Variants in CRB1 observed in about 807,000 individuals in gnomAD.
The protein encoded by CRB1 is protein crumbs homolog 1.
Under a neutral mutation model 120.0 loss-of-function variants are expected in CRB1, and 83 were observed. That is an observed-to-expected ratio of 0.69 (90% CI 0.58 to 0.83). The LOEUF is 0.83. Among genes scored for constraint, CRB1 ranks in the 40% least tolerant of loss-of-function variants. The pLI is 0.00. For missense variants in CRB1, 1,699 were observed against 1,687.6 expected (o/e 1.01, Z -0.12); for synonymous variants, 625 against 612.5 (o/e 1.02, Z -0.30).
chr1:197,254,636 G>A, the CRB1 span, among the ~76,000 whole-genome samples: 1 of 151,972 alleles, frequency 6.6e-6, no homozygotes, highest in African/African-American at 2.4e-5. Flanking sequence ...TAGAACTAGG[G>A]CTGCTTCCAG....
intron 11 of CRB1, among the ~76,000 whole-genome samples, chr1:197,444,980 G>T (rs1401374748): frequency 6.6e-6 from 1 of 151,872 alleles, no homozygotes; most frequent in Non-Finnish European, 1.5e-5. Flanking sequence ...ATCTCTTTCT[G>T]TGAAAGTGTC....
chr1:197,323,082 A>T (rs1040433617), intron 1 of CRB1, among the ~76,000 whole-genome samples: 1 of 152,198 alleles, frequency 6.6e-6, no homozygotes, highest in Non-Finnish European at 1.5e-5. Context: ...AATATCAAAA[A>T]TAATATTGAA....
At chr1:197,282,410 C>T (rs1655573516) in intron 1 of CRB1, among the ~76,000 whole-genome samples, 1 of 151,626 alleles carries the variant, frequency 6.6e-6, no homozygotes, top group Non-Finnish European at 1.5e-5. Context: ...ACTCATTGGT[C>T]CAGTAACTCT....
intron 2 of CRB1, among the ~76,000 whole-genome samples, chr1:197,338,701 C>A (rs1659288701): frequency 6.6e-6 from 1 of 151,874 alleles, no homozygotes; most frequent in Non-Finnish European, 1.5e-5. Context: ...AGCAGTAAAG[C>A]AAAACTTGTA....
chr1:197,363,913 G>T, intron 5 of CRB1: 2 of 1,241,910 alleles, frequency 1.6e-6, no homozygotes, highest in South Asian at 1.2e-5. Context: ...CCTCACTACG[G>T]ATGGGCTCAC....
the CRB1 span, among the ~76,000 whole-genome samples, chr1:197,258,470 T>C: frequency 6.6e-6 from 1 of 152,194 alleles, no homozygotes; most frequent in Non-Finnish European, 1.5e-5. Flanking sequence ...TTTGTCCCAA[T>C]GTTCCATTGA....
At chr1:197,465,108 C>A (rs1666696731) in intron 11 of CRB1, among the ~76,000 whole-genome samples, 1 of 152,098 alleles carries the variant, frequency 6.6e-6, no homozygotes, top group South Asian at 2.1e-4. Context: ...ACTTAGAGAT[C>A]CCAAAGCATA....
the CRB1 span, chr1:197,223,050 T>C: frequency 1.3e-6 from 1 of 790,352 alleles, no homozygotes. Flanking sequence ...AGGACTATCT[T>C]TGAGGCAAAA....
At chr1:197,407,861 A>G (rs1350906981) in intron 5 of CRB1, among the ~76,000 whole-genome samples, 1 of 152,190 alleles carries the variant, frequency 6.6e-6, no homozygotes, top group Non-Finnish European at 1.5e-5. Flanking sequence ...TCATGGATAC[A>G]TTAGATATCT....
At chr1:197,305,772 T>C in intron 1 of CRB1, among the ~76,000 whole-genome samples, 1 of 151,918 alleles carries the variant, frequency 6.6e-6, no homozygotes, top group East Asian at 1.9e-4. Context: ...TCCTTGTGAA[T>C]ATTTTCCCAA....
chr1:197,389,605 T>C (rs959154968), intron 5 of CRB1, among the ~76,000 whole-genome samples: 8 of 152,198 alleles, frequency 5.3e-5, no homozygotes, highest in Middle Eastern at 6.8e-3. Flanking sequence ...GTTCTGGAGA[T>C]GGATGGTGGT....
At chr1:197,351,621 A>ATTTCTTTG (rs1660113095) in intron 4 of CRB1, among the ~76,000 whole-genome samples, 2 of 152,196 alleles carry the variant, frequency 1.3e-5, no homozygotes, top group African/African-American at 4.8e-5. Flanking sequence ...AGATGATCAA[A>ATTTCTTTG]GAAAATAACA....
intron 1 of CRB1, among the ~76,000 whole-genome samples, chr1:197,278,348 G>T (rs532552826): frequency 1.4e-4 from 21 of 151,982 alleles, no homozygotes; most frequent in South Asian, 6.2e-4. Context: ...CTGGTGCTTT[G>T]ACCTAGGACT....
At chr1:197,277,041 G>A (rs898712339) in intron 1 of CRB1, among the ~76,000 whole-genome samples, 14 of 151,882 alleles carry the variant, frequency 9.2e-5, no homozygotes, top group East Asian at 3.9e-4. Flanking sequence ...AATCAGCCAC[G>A]GTGGAAGTAA....
intron 1 of CRB1, among the ~76,000 whole-genome samples, chr1:197,308,051 T>C (rs1326365387): frequency 6.6e-6 from 1 of 151,820 alleles, no homozygotes; most frequent in African/African-American, 2.4e-5. Context: ...GTACCATTAA[T>C]GGCAAATAGG....
intron 11 of CRB1, among the ~76,000 whole-genome samples, chr1:197,473,923 C>G (rs943860837): frequency 1.1e-4 from 16 of 151,724 alleles, no homozygotes; most frequent in Admixed American, 2.0e-4. Flanking sequence ...TTTCAAAACC[C>G]TACTCATTCA....
chr1:197,404,997 C>T (rs1399305376), intron 5 of CRB1, among the ~76,000 whole-genome samples: 1 of 152,114 alleles, frequency 6.6e-6, no homozygotes, highest in African/African-American at 2.4e-5. Flanking sequence ...AGCTGCACAC[C>T]ATACCTACGC....
chr1:197,330,541 A>G, intron 2 of CRB1, among the ~76,000 whole-genome samples: 1 of 152,170 alleles, frequency 6.6e-6, no homozygotes, highest in African/African-American at 2.4e-5. Flanking sequence ...TTCATTTCTT[A>G]TACAAGTCAT....
At chr1:197,455,953 T>G (rs1666264633) in intron 11 of CRB1, among the ~76,000 whole-genome samples, 1 of 152,034 alleles carries the variant, frequency 6.6e-6, no homozygotes, top group African/African-American at 2.4e-5. Flanking sequence ...CAAAACCAAA[T>G]AGGCTATTTG....
Sources: allele counts gnomAD v4.1 joint callset (sites outside exome capture counted in the v4.1 genomes callset), GRCh38; gene constraint gnomAD v4.1.1; transcripts MANE v1.5; gene names NCBI Gene and HGNC (gene_info 2026-07-23, HGNC 2026-07-21).